The following CELF5 variants were observed in gnomAD, a reference collection of about 807,000 sequenced individuals.
The protein encoded by CELF5 is CUGBP Elav-like family member 5, also known as CUG-BP and ETR-3 like factor 5.
A neutral mutation model predicts 54.9 loss-of-function variants in CELF5; 6 were observed. The observed-to-expected ratio is 0.11, with a 90% CI of 0.06 to 0.22. The LOEUF (loss-of-function observed/expected upper bound fraction) is 0.22. Among genes scored for constraint, CELF5 ranks in the 10% least tolerant of loss-of-function variants. The pLI is 1.00. For synonymous variants in CELF5, 271 were observed against 290.9 expected (o/e 0.93, Z 0.70); for missense variants, 401 against 678.6 (o/e 0.59, Z 4.54).
At chr19:3,266,101 C>T (rs1217941558) in intron 2 of CELF5, among the ~76,000 whole-genome samples, 1 of 152,158 alleles carries the variant, frequency 6.6e-6, no homozygotes, top group Non-Finnish European at 1.5e-5. Flanking sequence ...GCGCACCACG[C>T]CCGACCCCCA....
intron 2 of CELF5, among the ~76,000 whole-genome samples, chr19:3,262,003 A>C (rs1183245211): frequency 6.6e-6 from 1 of 152,056 alleles, no homozygotes; most frequent in African/African-American, 2.4e-5. Flanking sequence ...GGACGAGTGT[A>C]CTCAGAAACT....
intron 10 of CELF5, chr19:3,286,768 C>T (rs1199059941): frequency 6.9e-6 from 1 of 145,078 alleles, no homozygotes; most frequent in African/African-American, 2.6e-5. Context: ...GGCACGGTGG[C>T]TCACGCCTGT....
intron 2 of CELF5, among the ~76,000 whole-genome samples, chr19:3,273,423 A>C (rs1000180060): frequency 1.3e-5 from 2 of 151,892 alleles, no homozygotes; most frequent in African/African-American, 2.4e-5. Flanking sequence ...TCAGAGTTCC[A>C]AGAGTGGAAG....
intron 1 of CELF5, among the ~76,000 whole-genome samples, chr19:3,231,490 ATGGG>A (rs147851206): frequency 0.026 from 3,244 of 123,646 alleles, 128 homozygotes; most frequent in African/African-American, 0.11. Context: ...GGATGGATGG[ATGGG>A]TGGATGAATG....
At chr19:3,244,170 T>A (rs2079528504) in intron 1 of CELF5, among the ~76,000 whole-genome samples, 1 of 151,976 alleles carries the variant, frequency 6.6e-6, no homozygotes, top group Admixed American at 6.6e-5. Flanking sequence ...GGCCAAGAGA[T>A]CACGGAAGCC....
chr19:3,250,925 G>T, intron 1 of CELF5, 60 bp from the exon 2 acceptor site: 1 of 1,273,042 alleles, frequency 7.9e-7, no homozygotes, highest in Non-Finnish European at 1.1e-6. Context: ...TGTGGGTGGT[G>T]CTGCTGTGAC....
rs183365989 is a variant in CELF5, at chr19:3,264,565, G to A, written c.343-9307G>A. Reference sequence around the variant, plus strand: ...CGAGTAGCTGGGACTACAGGCACCCGCCACCACGCCCGGCTAATGTTTTTG... The same window carrying A: ...CGAGTAGCTGGGACTACAGGCACCCACCACCACGCCCGGCTAATGTTTTTG... On this transcript the variant is annotated intron_variant, in intron 2 of 12. Transcript: ENST00000292672. 3.4e-3 allele frequency among the ~76,000 whole-genome samples: 511 copies of A among 151,580 alleles called. 3 individuals carry two copies. The highest frequency in any genetic ancestry group is 0.011 in the African/African-American group (474 of 41,324).
chr19:3,275,713 C>A lies in CELF5; in HGVS notation c.395-143C>A. 4.7e-6 allele frequency: 4 copies of A among 848,644 alleles called. No homozygotes were observed. The highest frequency in any genetic ancestry group is 7.0e-6 in the Non-Finnish European group (4 of 569,012). The allele number at this position is 848,644 out of a possible 1,614,324, so 52.6% of individuals were successfully genotyped here. On this transcript the variant is annotated intron_variant, in intron 3 of 12. Coordinates refer to ENST00000292672, the MANE Select transcript of CELF5 (RefSeq NM_021938.4). This position sits in a 1 kb window ranked among gnomAD's most constrained non-coding sequence, Gnocchi z 6.7. ...GAAAGGGCGCGGCTGGGTCCTCCCT[C>A]GCACGCGCAGAACCGGAGCCGGCAG...
intron 2 of CELF5, among the ~76,000 whole-genome samples, chr19:3,267,587 C>T (rs1411449076): frequency 6.6e-6 from 1 of 152,204 alleles, no homozygotes. Context: ...AGCTTCTGTC[C>T]CTTGGCCAGT....
chr19:3,226,416 C>T (rs979459510), intron 1 of CELF5, among the ~76,000 whole-genome samples: 1 of 132,126 alleles, frequency 7.6e-6, no homozygotes. Context: ...CTCCCCATTC[C>T]CCATCTCTTT....
At chr19:3,255,813 C>A (rs980612827) in intron 2 of CELF5, among the ~76,000 whole-genome samples, 2 of 151,996 alleles carry the variant, frequency 1.3e-5, no homozygotes, top group African/African-American at 4.8e-5. Flanking sequence ...GCCTGTAATC[C>A]CAGCACTTTG....
At chr19:3,245,332 G>C (rs1263902929) in intron 1 of CELF5, among the ~76,000 whole-genome samples, 1 of 146,348 alleles carries the variant, frequency 6.8e-6, no homozygotes, top group Non-Finnish European at 1.5e-5. Flanking sequence ...GCATCTGTGT[G>C]TGTGCGTGTG....
At chr19:3,264,870 C>T (rs2079859801) in intron 2 of CELF5, among the ~76,000 whole-genome samples, 1 of 152,058 alleles carries the variant, frequency 6.6e-6, no homozygotes, top group African/African-American at 2.4e-5. Flanking sequence ...TCTGCCACCA[C>T]ACCCAGCTAA....
chr19:3,225,138 C>T, intron 1 of CELF5, 140 bp downstream of exon 1: 1 of 510,164 alleles, frequency 2.0e-6, no homozygotes, highest in Non-Finnish European at 3.3e-6. Flanking sequence ...CGGTTCTTAC[C>T]CCCTCCCTCC....
chr19:3,274,093 C>A (rs1181609186), intron 3 of CELF5, among the ~76,000 whole-genome samples, 170 bp downstream of exon 3: 1 of 152,198 alleles, frequency 6.6e-6, no homozygotes, highest in African/African-American at 2.4e-5. Flanking sequence ...GCTCACACAC[C>A]TTTTGGTGGG....
intron 2 of CELF5, among the ~76,000 whole-genome samples, chr19:3,264,720 T>C (rs536743876): frequency 1.4e-5 from 2 of 147,738 alleles, no homozygotes; most frequent in East Asian, 4.0e-4. Context: ...CCGGCCTTTT[T>C]TTTTTTTCTT....
intron 2 of CELF5, among the ~76,000 whole-genome samples, chr19:3,258,634 C>T (rs2079765192): frequency 6.6e-6 from 1 of 151,922 alleles, no homozygotes; most frequent in African/African-American, 2.4e-5. Context: ...TTTTTAGAGA[C>T]AGGGTCTTGC....
Position 3,262,272 on chromosome 19 carries a change from G to A in CELF5, c.342+11205G>A, listed in dbSNP as rs138132068. ...TCAAACTCCTGACCTCAGGGGATCCGCCCATCTTGGCCTCCCAAAGTGCTG... is the reference window on the plus strand; with the variant it reads ...TCAAACTCCTGACCTCAGGGGATCCACCCATCTTGGCCTCCCAAAGTGCTG... On this transcript the variant is annotated intron_variant, in intron 2 of 12. Coordinates refer to ENST00000292672, the MANE Select transcript of CELF5 (RefSeq NM_021938.4). Among the ~76,000 whole-genome samples, 638 of 152,134 alleles carry A rather than the reference G, an allele frequency of 4.2e-3. 3 individuals carry two copies. Among genetic ancestry groups the A allele is most frequent in the African/African-American group, 0.014 (594 of 41,520 alleles).
In CELF5 at chr19:3,282,452, C is replaced by A; in HGVS notation, c.993C>A (p.His331Gln). The A allele has an allele frequency of 6.2e-7, 1 of 1,613,826 alleles. No individual in the cohort carries two copies. The highest frequency in any genetic ancestry group is 8.5e-7 in the Non-Finnish European group (1 of 1,180,042). Residue 331 changes from histidine to glutamine, a missense_variant, in exon 8 of 13, where the codon CAC becomes CAA. His to Gln is a conservative substitution (Grantham distance 24). This residue lies in a region of CELF5 where 143 missense variants were observed against 147.6 expected (regional missense o/e 0.97). Transcript: ENST00000292672. The surrounding 1 kb of genome is among the most constrained non-coding windows in gnomAD (Gnocchi z 5.2). ...GTGTCGTGCCCTTTCCAGGTGGGCA[C>A]CCTGCCCTGGAAACCGTCTATGCCA... ...FAGVVPFPGG[H>Q]PALETVYANG...
Sources: allele counts gnomAD v4.1 joint callset (sites outside exome capture counted in the v4.1 genomes callset), GRCh38; gene constraint gnomAD v4.1.1; regional missense constraint gnomAD v4.1.1; non-coding constraint Gnocchi (gnomAD v3.1); transcripts MANE v1.5; gene names NCBI Gene and HGNC (gene_info 2026-07-23, HGNC 2026-07-21).